The following MPHOSPH9 variants were observed in gnomAD, a reference collection of about 807,000 sequenced individuals.
MPHOSPH9 encodes the protein M-phase phosphoprotein 9.
In MPHOSPH9, 88 loss-of-function variants were observed where a neutral mutation model predicts 145.5. The ratio of observed to expected loss-of-function variants is 0.60; its 90% confidence interval spans 0.51 to 0.72. MPHOSPH9 has a LOEUF of 0.72. MPHOSPH9 is among the 30% of genes least tolerant of loss of function. The pLI is 0.00. For missense variants in MPHOSPH9, 1,238 were observed against 1,386.6 expected, an observed-to-expected ratio of 0.89 and a Z score of 1.70; for synonymous variants, 435 against 486.2, an observed-to-expected ratio of 0.89 and a Z score of 1.39.
chr12:123,221,986 G>C, intron 4 of MPHOSPH9, 91 bp from the exon 5 acceptor site: 1 of 737,250 alleles, frequency 1.4e-6, no homozygotes, highest in South Asian at 2.0e-5. Flanking sequence ...TTCAAAATAT[G>C]ATGAGATATT....
At chr12:123,237,581 C>T (rs191215192), upstream of MPHOSPH9, among the ~76,000 whole-genome samples, 109 of 152,226 alleles carry the variant, frequency 7.2e-4, no homozygotes, top group African/African-American at 2.4e-3. Context: ...TCTCTTTTTC[C>T]TCCCGTCCGC....
chr12:123,226,037 AAAAC>A (rs2047423829), intron 3 of MPHOSPH9, among the ~76,000 whole-genome samples: 1 of 152,232 alleles, frequency 6.6e-6, no homozygotes, highest in Non-Finnish European at 1.5e-5. Flanking sequence ...CTCTGTCTCA[AAAAC>A]AAACAAACAA....
chr12:123,207,826 C>A (rs2046503912), intron 8 of MPHOSPH9, among the ~76,000 whole-genome samples: 1 of 149,096 alleles, frequency 6.7e-6, no homozygotes, highest in Non-Finnish European at 1.5e-5. Flanking sequence ...GCACTCCAGC[C>A]TGGGCAACAG....
At chr12:123,203,858 A>T (rs530438113) in intron 8 of MPHOSPH9, among the ~76,000 whole-genome samples, 1 of 150,006 alleles carries the variant, frequency 6.7e-6, no homozygotes, top group South Asian at 2.1e-4. Flanking sequence ...TAATTTTTCT[A>T]TTTTTTTTTG....
chr12:123,226,368 A>T, intron 3 of MPHOSPH9: 1 of 1,139,090 alleles, frequency 8.8e-7, no homozygotes, highest in Non-Finnish European at 1.1e-6. Flanking sequence ...AATAACACAA[A>T]TTATGCTTCT....
intron 1 of MPHOSPH9, among the ~76,000 whole-genome samples, chr12:123,230,849 A>G (rs556426239): frequency 3.9e-5 from 6 of 152,358 alleles, no homozygotes; most frequent in African/African-American, 1.4e-4. Flanking sequence ...TTGATATGAA[A>G]TATCTTGAAT....
intron 13 of MPHOSPH9, among the ~76,000 whole-genome samples, chr12:123,185,561 T>A (rs762913026): frequency 2.0e-4 from 31 of 151,912 alleles, no homozygotes; most frequent in Non-Finnish European, 4.3e-4. Flanking sequence ...AAGAGCAACA[T>A]AGTGAGACCG....
intron 16 of MPHOSPH9, among the ~76,000 whole-genome samples, chr12:123,175,548 C>T (rs538421416): frequency 2.0e-5 from 3 of 152,190 alleles, no homozygotes; most frequent in Admixed American, 6.5e-5. Flanking sequence ...ATATTCAGGC[C>T]ACACTAACCT....
At chr12:123,222,980 GTA>G (rs34047404) in intron 4 of MPHOSPH9, 56 bp downstream of exon 4, 530,398 of 778,656 alleles carry the variant, frequency 0.68, 180,027 homozygotes, top group East Asian at 0.89. Flanking sequence ...GTGTGTGTGT[GTA>G]TATGTACGTA....
chr12:123,210,041 G>GT lies in MPHOSPH9; in HGVS notation c.1194+14dup. The GT allele has an allele frequency of 6.3e-7, 1 of 1,587,820 alleles. No individual in the cohort carries two copies. Among genetic ancestry groups the GT allele is most frequent in the Non-Finnish European group, 8.6e-7 (1 of 1,162,874 alleles). ...GTAAGCCACCGCGCCCGGCCACCGT[G>GT]TGTTTTTAAATTACCTGGTTTGGTG... On this transcript the variant is annotated intron_variant, in intron 8 of 23. Transcript: ENST00000606320.
In MPHOSPH9 at chr12:123,194,541, T is replaced by G; in HGVS notation, c.2086A>C (p.Ile696Leu). The G allele has an allele frequency of 6.2e-7, 1 of 1,613,260 alleles. No individual in the cohort carries two copies. The highest frequency in any genetic ancestry group is 8.5e-7 in the Non-Finnish European group (1 of 1,179,908). ...TTACTGCTTGTTCTCATTTCTTCAATTCGTTCCTGCAAAATTTTGGAAGCA... is the reference window on the plus strand; with the variant it reads ...TTACTGCTTGTTCTCATTTCTTCAAGTCGTTCCTGCAAAATTTTGGAAGCA... Reference protein sequence around the residue: ...SSASKILQERIEEMRTSSKEK... With the variant: ...SSASKILQERLEEMRTSSKEK... Residue 696 changes from isoleucine to leucine, a missense_variant, in exon 13 of 24, where the codon ATT becomes CTT. Around this residue, in one of 3 missense-constraint regions of MPHOSPH9, gnomAD observed 837 missense variants for 897.5 expected, o/e 0.93. Coordinates refer to ENST00000606320, the MANE Select transcript of MPHOSPH9 (RefSeq NM_022782.4).
At position 123,194,499 on chromosome 12, in the gene MPHOSPH9, T is replaced by C. The variant is rs1180343531; in HGVS notation, c.2128A>G (p.Ile710Val). The change falls in exon 13 of 24, where the codon ATC (isoleucine) becomes GTC (valine). Residue 710 changes from isoleucine (I) to valine (V), a missense_variant. Physicochemically the swap from Ile to Val is conservative, Grantham distance 29. This residue lies in a region of MPHOSPH9 where 837 missense variants were observed against 897.5 expected (regional missense o/e 0.93). Coordinates refer to ENST00000606320, the MANE Select transcript of MPHOSPH9 (RefSeq NM_022782.4). ...RTSSKEKDNT[I>V]IRLKSRLQDL... ...TGCAGTCTAGATTTTAGTCGAATGATGGTATTGTCTTTTTCTTTACTGCTT... is the reference window on the plus strand; with the variant it reads ...TGCAGTCTAGATTTTAGTCGAATGACGGTATTGTCTTTTTCTTTACTGCTT... 4 of 1,612,542 alleles carry C rather than the reference T, an allele frequency of 2.5e-6. No homozygotes were observed. Among genetic ancestry groups the C allele is most frequent in the Non-Finnish European group, 2.5e-6 (3 of 1,179,540 alleles).
At chr12:123,184,266 T>A (rs1019722916) in intron 13 of MPHOSPH9, among the ~76,000 whole-genome samples, 1 of 151,916 alleles carries the variant, frequency 6.6e-6, no homozygotes, top group African/African-American at 2.4e-5. Flanking sequence ...CCTCCTCCAC[T>A]GCCAGAATCT....
At chr12:123,198,421 T>A in intron 11 of MPHOSPH9, 87 bp from the exon 12 acceptor site, 1 of 1,063,334 alleles carries the variant, frequency 9.4e-7, no homozygotes, top group Middle Eastern at 2.8e-4. Flanking sequence ...CTCTAATATA[T>A]AACATAAGAC....
At chr12:123,198,796 T>A (rs914891860) in intron 11 of MPHOSPH9, among the ~76,000 whole-genome samples, 7 of 107,248 alleles carry the variant, frequency 6.5e-5, no homozygotes, top group Admixed American at 1.5e-4. Context: ...AGTGACAGAG[T>A]GAGAACCTGT....
chr12:123,202,288 G>A lies in MPHOSPH9; in HGVS notation c.1813C>T (p.Arg605Ter), dbSNP rs769606403. The A allele has an allele frequency of 3.1e-6, 5 of 1,607,856 alleles. No homozygotes were observed. The highest frequency in any genetic ancestry group is 3.4e-6 in the Non-Finnish European group (4 of 1,178,378). ...TAAGCTCGAAGATCTGCTATGTGTCGAGCATGCTTTTCCTTCAGATTCTGC... is the reference window on the plus strand; with the variant it reads ...TAAGCTCGAAGATCTGCTATGTGTCAAGCATGCTTTTCCTTCAGATTCTGC... ...IRQNLKEKHA[R>*]HIADLRAYYE... The change falls in exon 11 of 24, where the codon CGA (arginine) becomes TGA (stop). Residue 605 changes from arginine to a stop codon, truncating the protein, a stop_gained. Coordinates refer to ENST00000606320, the MANE Select transcript of MPHOSPH9 (RefSeq NM_022782.4). LOFTEE classifies it high-confidence loss of function.
At chr12:123,230,131 A>C (rs1037202555) in intron 2 of MPHOSPH9, 130 bp downstream of exon 2, 15 of 606,126 alleles carry the variant, frequency 2.5e-5, no homozygotes, top group African/African-American at 1.5e-4. Context: ...CTCCCTGAAC[A>C]TTCTTGATGA....
chr12:123,166,877 G>A, intron 16 of MPHOSPH9, 88 bp from the exon 17 acceptor site: 1 of 1,341,170 alleles, frequency 7.5e-7, no homozygotes, highest in Non-Finnish European at 1.0e-6. Flanking sequence ...CTCTCAAACA[G>A]TATTTACACA....
At chr12:123,162,641 A>G (rs935088983) in intron 20 of MPHOSPH9, 1 of 194,556 alleles carries the variant, frequency 5.1e-6, no homozygotes, top group African/African-American at 2.3e-5. Flanking sequence ...GATTCTCAGC[A>G]GCACAGGTAA....
Sources: allele counts gnomAD v4.1 joint callset (sites outside exome capture counted in the v4.1 genomes callset), GRCh38; gene constraint gnomAD v4.1.1; regional missense constraint gnomAD v4.1.1; transcripts MANE v1.5; gene names NCBI Gene and HGNC (gene_info 2026-07-23, HGNC 2026-07-21).